The following PISD variants were observed in gnomAD, a reference collection of about 807,000 sequenced individuals.
PISD encodes the protein phosphatidylserine decarboxylase proenzyme, mitochondrial.
A neutral mutation model predicts 43.5 loss-of-function variants in PISD; 31 were observed. That is an observed-to-expected ratio of 0.71 (90% confidence interval 0.54 to 0.96). The LOEUF is 0.96. Among genes scored for constraint, PISD ranks in the 40% least tolerant of loss-of-function variants. PISD has a pLI of 0.00. For missense variants in PISD, 523 were observed against 548.4 expected (o/e 0.95, Z 0.46); for synonymous variants, 259 against 228.7 (o/e 1.13, Z -1.20).
intron 1 of PISD, among the ~76,000 whole-genome samples, chr22:31,657,819 C>T (rs5994418): frequency 4.4e-4 from 67 of 152,284 alleles, no homozygotes; most frequent in African/African-American, 1.5e-3. Flanking sequence ...TGCACCCAGC[C>T]CATTTTATTT....
chr22:31,620,853 T>C (rs2072517998), intron 6 of PISD, 140 bp from the exon 7 acceptor site: 15 of 1,385,378 alleles, frequency 1.1e-5, no homozygotes, highest in Non-Finnish European at 1.5e-5. Context: ...CACGGTCCCC[T>C]GCCCACAACC....
chr22:31,625,778 A>C, intron 3 of PISD: 2 of 1,595,700 alleles, frequency 1.3e-6, no homozygotes, highest in Non-Finnish European at 1.7e-6. Flanking sequence ...CGCCGCGCGG[A>C]GCTCTGGTCC....
At chr22:31,623,785 C>A (rs750648956) in intron 3 of PISD, 50 of 1,614,004 alleles carry the variant, frequency 3.1e-5, no homozygotes, top group Non-Finnish European at 4.0e-5. Context: ...AGTTTCAGAG[C>A]GGGTCTGGAC....
chr22:31,627,860 G>A (rs908807003), intron 3 of PISD: 4 of 185,054 alleles, frequency 2.2e-5, no homozygotes, highest in East Asian at 1.9e-4. Flanking sequence ...GTGAGGGGCT[G>A]GGTCTGGCCT....
At chr22:31,638,546 C>A (rs73881400) in intron 3 of PISD, 1 of 985,456 alleles carries the variant, frequency 1.0e-6, no homozygotes, top group South Asian at 4.7e-5. Flanking sequence ...CCAAGAGAGG[C>A]AAAACGGGTA....
At chr22:31,629,259 G>T in intron 3 of PISD, 1 of 983,278 alleles carries the variant, frequency 1.0e-6, no homozygotes, top group Non-Finnish European at 1.2e-6. Context: ...GTAGGTGGAA[G>T]TGTGTGTGCA....
At chr22:31,650,540 AAG>A (rs2074002971) in intron 2 of PISD, among the ~76,000 whole-genome samples, 157 bp downstream of exon 2, 1 of 151,794 alleles carries the variant, frequency 6.6e-6, no homozygotes, top group Admixed American at 6.6e-5. Flanking sequence ...AAAAAAAAAA[AAG>A]AAAAAGAAAA....
At chr22:31,631,825 G>A (rs1486362225) in intron 3 of PISD, among the ~76,000 whole-genome samples, 2 of 152,208 alleles carry the variant, frequency 1.3e-5, no homozygotes, top group African/African-American at 2.4e-5. Context: ...CCTATTCAAT[G>A]GTGAGTTGGC....
intron 3 of PISD, among the ~76,000 whole-genome samples, chr22:31,639,004 T>C (rs192373656): frequency 1.1e-4 from 16 of 151,280 alleles, no homozygotes; most frequent in Admixed American, 7.9e-4. Context: ...TTTTCCTTTT[T>C]TTCCCCCTGA....
At chr22:31,660,511 A>G (rs2074287544) in intron 1 of PISD, among the ~76,000 whole-genome samples, 1 of 151,972 alleles carries the variant, frequency 6.6e-6, no homozygotes, top group Non-Finnish European at 1.5e-5. Flanking sequence ...AAAAAAATGC[A>G]GCTGGGCGGG....
At chr22:31,651,863 A>G (rs1250988508) in intron 1 of PISD, among the ~76,000 whole-genome samples, 5 of 152,258 alleles carry the variant, frequency 3.3e-5, no homozygotes, top group African/African-American at 1.2e-4. Flanking sequence ...CAGCAAGCAA[A>G]GCATTAATGA....
In PISD at chr22:31,660,117, G is replaced by A. The variant is rs186392363; in HGVS notation, c.65+2027C>T. ...TTTTCATTTACATGTCTCACAAATA[G>A]GCACTGGTTTACTAAAAACCCACAG... On this transcript the variant is annotated intron_variant, in intron 1 of 7. Transcript: ENST00000439502. Among the ~76,000 whole-genome samples the A allele has an allele frequency of 1.2e-3, 183 of 152,186 alleles. 2 individuals carry two copies. In the South Asian group the frequency reaches 0.016, roughly 13 times the overall value.
intron 3 of PISD, among the ~76,000 whole-genome samples, chr22:31,627,110 C>T (rs761942834): frequency 5.9e-5 from 9 of 152,242 alleles, no homozygotes; most frequent in Non-Finnish European, 1.3e-4. Flanking sequence ...ACCGAAGCCC[C>T]GGGTATGAGA....
intron 3 of PISD, chr22:31,629,094 C>T (rs999490454): frequency 9.1e-6 from 9 of 985,356 alleles, no homozygotes; most frequent in Non-Finnish European, 1.1e-5. Flanking sequence ...TGTCCCCACC[C>T]GTCCCTCACC....
intron 1 of PISD, among the ~76,000 whole-genome samples, chr22:31,653,418 C>A (rs1260290546): frequency 1.3e-5 from 2 of 152,150 alleles, no homozygotes; most frequent in Admixed American, 1.3e-4. Context: ...AATGTTTGCA[C>A]AATGATTAAC....
intron 3 of PISD, among the ~76,000 whole-genome samples, chr22:31,639,509 T>A (rs1272112875): frequency 1.3e-5 from 2 of 152,168 alleles, no homozygotes; most frequent in Non-Finnish European, 2.9e-5. Flanking sequence ...ATCACAGGCA[T>A]GAGCCACCAT....
chr22:31,660,815 C>G (rs1439714426), intron 1 of PISD, among the ~76,000 whole-genome samples: 1 of 152,094 alleles, frequency 6.6e-6, no homozygotes, highest in East Asian at 1.9e-4. Flanking sequence ...CTTATTGCAA[C>G]CTCCGCCTCC....
At chr22:31,625,908 T>C (rs1336948549) in intron 3 of PISD, 1 of 1,538,078 alleles carries the variant, frequency 6.5e-7, no homozygotes, top group Admixed American at 2.0e-5. Flanking sequence ...AGATCTCCTG[T>C]GCTGTCACTG....
intron 3 of PISD, chr22:31,629,807 G>A (rs559464495): frequency 2.6e-5 from 4 of 152,252 alleles, no homozygotes; most frequent in East Asian, 1.9e-4. Flanking sequence ...CAGCTCTGCC[G>A]GAGTATATGT....
Sources: allele counts gnomAD v4.1 joint callset (sites outside exome capture counted in the v4.1 genomes callset), GRCh38; gene constraint gnomAD v4.1.1; transcripts MANE v1.5; gene names NCBI Gene and HGNC (gene_info 2026-07-23, HGNC 2026-07-21).